The following SLC6A16 variants were observed in gnomAD, a reference collection of about 807,000 sequenced individuals.
SLC6A16 encodes solute carrier family 6 member 16, also known as orphan sodium- and chloride-dependent neurotransmitter transporter NTT5.
In SLC6A16, 54 loss-of-function variants were observed where a neutral mutation model predicts 65.4. The ratio of observed to expected loss-of-function variants is 0.83; its 90% CI spans 0.66 to 1.04. The LOEUF (loss-of-function observed/expected upper bound fraction) is 1.04, where lower values mean the gene tolerates loss of function less well. Ranked by LOEUF, SLC6A16 falls within the 50% of genes least tolerant of loss-of-function variation. The probability of loss-of-function intolerance (pLI) is 0.00; values close to 1 mark genes in which losing one functional copy is unlikely to be tolerated. For synonymous variants in SLC6A16, 330 were observed against 346.5 expected (o/e 0.95, Z 0.53); for missense variants, 816 against 914.0 (o/e 0.89, Z 1.38).
Position 49,293,856 on chromosome 19 carries a change from A to G in SLC6A16, c.1589T>C (p.Phe530Ser). 6.2e-7 allele frequency: 1 copy of G among 1,614,082 alleles called. No homozygotes were observed. Residue 530 changes from phenylalanine (F) to serine (S), a missense_variant, in exon 9 of 12, where the codon TTC becomes TCC. Transcript: ENST00000335875. ...IITPLQDTFS[F>S]FRKHTKLLIV... ...GAGCAGCTTTGTATGTTTCCTGAAG[A>G]AAGAGAAGGTGTCCTGGAGTGGAGT...
At chr19:49,301,166 A>G (rs1278757967) in intron 7 of SLC6A16, among the ~76,000 whole-genome samples, 1 of 152,200 alleles carries the variant, frequency 6.6e-6, no homozygotes, top group Non-Finnish European at 1.5e-5. Context: ...GAAAGGGTGG[A>G]AAGAACAATT....
upstream of SLC6A16, among the ~76,000 whole-genome samples, chr19:49,329,975 C>T (rs1443115506): frequency 6.6e-6 from 1 of 151,962 alleles, no homozygotes; most frequent in Non-Finnish European, 1.5e-5. Flanking sequence ...TTTTAATAGC[C>T]AGGTGTGGTG....
the SLC6A16 span, chr19:49,337,066 C>T: frequency 1.7e-5 from 27 of 1,613,568 alleles, no homozygotes; most frequent in East Asian, 5.8e-4. Context: ...TCCCTAGGAA[C>T]ACTCCTATCC....
chr19:49,316,857 CAAAAAAA>C (rs34224524), intron 1 of SLC6A16, among the ~76,000 whole-genome samples: 1 of 123,574 alleles, frequency 8.1e-6, no homozygotes, highest in African/African-American at 3.0e-5. Context: ...CCATCTCTAC[CAAAAAAA>C]AAAAAAAAAA....
Position 49,304,492 on chromosome 19 carries a change from G to A in SLC6A16, c.1229+4384C>T, listed in dbSNP as rs188128725. Among the ~76,000 whole-genome samples, 218 of 152,250 alleles carry A rather than the reference G, an allele frequency of 1.4e-3. 1 individual carries two copies. The highest frequency in any genetic ancestry group is 4.6e-3 in the East Asian group (24 of 5,184). On this transcript the variant is annotated intron_variant, in intron 7 of 11. Transcript: ENST00000335875. ...CTTTAAAAACCTTTGTTGGCTGGGC[G>A]TGGTGGCTCAAGCCTGTAATCTCAG...
At chr19:49,335,233 G>C in the SLC6A16 span, 9 of 399,396 alleles carry the variant, frequency 2.3e-5, no homozygotes, top group Non-Finnish European at 4.5e-6. This position sits in a 1 kb window ranked among gnomAD's most constrained non-coding sequence, Gnocchi z 4.6. Flanking sequence ...CCTGAGACAT[G>C]GAGACCTGGG....
chr19:49,330,022 G>A (rs1428696047), upstream of SLC6A16, among the ~76,000 whole-genome samples: 2 of 151,972 alleles, frequency 1.3e-5, no homozygotes, highest in Non-Finnish European at 2.9e-5. Context: ...AGGAGGCTGA[G>A]TGGGAAGATC....
chr19:49,327,275 G>C (rs201942371), upstream of SLC6A16, among the ~76,000 whole-genome samples: 9 of 151,252 alleles, frequency 6.0e-5, no homozygotes, highest in East Asian at 1.8e-3. Context: ...GGGTTTAGTA[G>C]AGTCAGCCTG....
At position 49,316,987 on chromosome 19, in the gene SLC6A16, T is replaced by G. The variant is rs138090736; in HGVS notation, c.-64-5576A>C. On this transcript the variant is annotated intron_variant, in intron 1 of 11. Coordinates refer to ENST00000335875, the MANE Select transcript of SLC6A16 (RefSeq NM_014037.3). ...AGGAGTTCAAGGTTGCAGTGGGCTATGATCACACCACTGAACTCCAGCCTG... is the reference window on the plus strand; with the variant it reads ...AGGAGTTCAAGGTTGCAGTGGGCTAGGATCACACCACTGAACTCCAGCCTG... Among the ~76,000 whole-genome samples the G allele has an allele frequency of 1.2e-4, 18 of 150,882 alleles. 1 individual carries two copies. The East Asian group carries it at 1.6e-3, about 13-fold the overall frequency.
At position 49,309,969 on chromosome 19, in the gene SLC6A16, C is replaced by T. The variant is rs188029622; in HGVS notation, c.700+71G>A. ...TCTTCCTTGTCCCTCCCCACTCTCT[C>T]CTATTCCAAATTCCCTTCTACTTCT... On this transcript the variant is annotated intron_variant, in intron 4 of 11. Coordinates refer to ENST00000335875, the MANE Select transcript of SLC6A16 (RefSeq NM_014037.3). The T allele has an allele frequency of 1.0e-5, 16 of 1,555,614 alleles. No individual in the cohort carries two copies. In the Admixed American group the frequency reaches 1.2e-4, roughly 12 times the overall value.
chr19:49,313,588 T>C (rs986004239), intron 1 of SLC6A16, among the ~76,000 whole-genome samples: 1 of 135,662 alleles, frequency 7.4e-6, no homozygotes, highest in African/African-American at 2.9e-5. Flanking sequence ...GAGACCAGCC[T>C]GGCCAACATG....
chr19:49,327,283 C>T (rs1490593675), upstream of SLC6A16, among the ~76,000 whole-genome samples: 1 of 151,054 alleles, frequency 6.6e-6, no homozygotes, highest in Non-Finnish European at 1.5e-5. Flanking sequence ...TAGAGTCAGC[C>T]TGCCATGTTG....
At chr19:49,336,052 C>T in the SLC6A16 span, 2 of 518,924 alleles carry the variant, frequency 3.9e-6, no homozygotes, top group Middle Eastern at 1.0e-3. Flanking sequence ...CACAAACCTT[C>T]CCCTCGCTTG....
At chr19:49,323,888 G>A (rs2146183016) in intron 1 of SLC6A16, among the ~76,000 whole-genome samples, 1 of 152,266 alleles carries the variant, frequency 6.6e-6, no homozygotes, top group Non-Finnish European at 1.5e-5. Context: ...TGAAAACCAA[G>A]CCTCCAGTGG....
chr19:49,298,673 T>C (rs1329462854), intron 7 of SLC6A16, among the ~76,000 whole-genome samples: 1 of 152,182 alleles, frequency 6.6e-6, no homozygotes, highest in Admixed American at 6.5e-5. Flanking sequence ...AAAAGGGAAC[T>C]ACCATTCAAC....
the SLC6A16 span, chr19:49,339,576 C>A: frequency 1.4e-6 from 2 of 1,455,654 alleles, no homozygotes; most frequent in South Asian, 2.8e-5. The surrounding 1 kb of genome is among the most constrained non-coding windows in gnomAD (Gnocchi z 4.5). Flanking sequence ...TGGGGGCGGC[C>A]CAGCTTCAGG....
At chr19:49,333,707 A>T in the SLC6A16 span, among the ~76,000 whole-genome samples, 1 of 152,072 alleles carries the variant, frequency 6.6e-6, no homozygotes, top group African/African-American at 2.4e-5. Context: ...TGGAGTGGAG[A>T]CTCAGCAGGC....
rs77372048 is a variant in SLC6A16, at chr19:49,319,601, A to C, written c.-65+5447T>G. Among the ~76,000 whole-genome samples the C allele has an allele frequency of 7.0e-3, 1,071 of 152,080 alleles. 20 individuals carry two copies. The highest frequency in any genetic ancestry group is 0.023 in the African/African-American group (973 of 41,478). The stretch of plus-strand genomic sequence containing the variant: ...CACATAATTGAAAGGATAAAAGGAC[A>C]GTTCTACAATAATAACTGGAGACTT... On this transcript the variant is annotated intron_variant, in intron 1 of 11. Coordinates refer to ENST00000335875, the MANE Select transcript of SLC6A16 (RefSeq NM_014037.3).
Position 49,308,984 on chromosome 19 carries a change from G to C in SLC6A16, c.1121C>G (p.Ala374Gly), listed in dbSNP as rs775963719. The change falls in exon 7 of 12, where the codon GCC (alanine) becomes GGC (glycine). Residue 374 changes from alanine (A) to glycine (G), a missense_variant. Physicochemically the swap from Ala to Gly is moderately conservative, Grantham distance 60. Transcript: ENST00000335875. Reference sequence around the variant, plus strand: ...CAGGTTTATCACAGACACGAGAAAGGCATCACTGAGACAGTTGTTGGACTG... The same window carrying C: ...CAGGTTTATCACAGACACGAGAAAGCCATCACTGAGACAGTTGTTGGACTG... ...MPQSNNCLSD[A>G]FLVSVINLLT... 3.1e-6 allele frequency: 5 copies of C among 1,614,168 alleles called. No individual in the cohort carries two copies. In the Admixed American group the frequency reaches 8.3e-5, roughly 27 times the overall value.
Sources: gnomAD v4.1 joint callset for allele counts (sites outside exome capture counted in the v4.1 genomes callset) on GRCh38, gnomAD v4.1.1 for gene constraint, Gnocchi (gnomAD v3.1) non-coding constraint, MANE v1.5 for transcripts, NCBI Gene and HGNC (gene_info 2026-07-23, HGNC 2026-07-21) for gene names.